The following CASD1 variants were observed in gnomAD, a reference collection of about 807,000 sequenced individuals.
The protein encoded by CASD1 is CAS1 domain sialic acid O acetyltransferase 1.
A neutral mutation model predicts 100.0 loss-of-function variants in CASD1; 41 were observed. The observed-to-expected ratio is 0.41, with a 90% CI of 0.32 to 0.53. The LOEUF is 0.53. Ranked by LOEUF, CASD1 falls within the 20% of genes least tolerant of loss-of-function variation. CASD1 has a pLI of 0.25. For synonymous variants in CASD1, 321 were observed against 315.6 expected, an observed-to-expected ratio of 1.02 and a Z score of -0.18; for missense variants, 774 against 948.7, an observed-to-expected ratio of 0.82 and a Z score of 2.42.
In CASD1 at chr7:94,541,537, G is replaced by GTTTTTTTTT. The variant is rs56786123; in HGVS notation, c.1356+2503_1356+2511dup. Among the ~76,000 whole-genome samples, 8 of 60,116 alleles carry GTTTTTTTTT rather than the reference G, an allele frequency of 1.3e-4. 2 individuals carry two copies. The highest frequency in any genetic ancestry group is 1.1e-4 in the Non-Finnish European group (4 of 35,196). The allele number at this position is 60,116 out of a possible 152,430, so 39.4% of individuals were successfully genotyped here. On this transcript the variant is annotated intron_variant, in intron 10 of 17. Transcript: ENST00000297273. ...ACAGTAGGTGATTTGTGTTCCACTG[G>GTTTTTTTTT]TTTTTTTTTTTTTTTTTTTTTTTTT...
At chr7:94,533,556 A>G in intron 6 of CASD1, 123 bp from the exon 7 acceptor site, 1 of 754,218 alleles carries the variant, frequency 1.3e-6, no homozygotes, top group Non-Finnish European at 2.0e-6. Context: ...ACTGAATTTT[A>G]TTCTAATATT....
chr7:94,563,065 G>C, the CASD1 span, among the ~76,000 whole-genome samples: 2 of 152,058 alleles, frequency 1.3e-5, no homozygotes, highest in Non-Finnish European at 2.9e-5. Context: ...ACATACAAAG[G>C]CCTTTGTAGA....
the CASD1 span, among the ~76,000 whole-genome samples, chr7:94,614,106 T>TAAA: frequency 2.7e-4 from 15 of 55,130 alleles, 3 homozygotes; most frequent in East Asian, 2.0e-3. Flanking sequence ...CAAATTGAAA[T>TAAA]CAAAAAAAAA....
chr7:94,575,481 TA>T, the CASD1 span, among the ~76,000 whole-genome samples: 7 of 152,308 alleles, frequency 4.6e-5, no homozygotes, highest in Admixed American at 3.3e-4. Context: ...TGGTCAATTT[TA>T]GAGTATGTGC....
At chr7:94,604,858 T>TATAA in the CASD1 span, among the ~76,000 whole-genome samples, 33 of 75,206 alleles carry the variant, frequency 4.4e-4, no homozygotes, top group Non-Finnish European at 7.2e-4. Flanking sequence ...TATATATATA[T>TATAA]AATAGTTGTT....
chr7:94,531,800 G>C (rs907240191), intron 5 of CASD1, among the ~76,000 whole-genome samples: 2 of 151,990 alleles, frequency 1.3e-5, no homozygotes, highest in African/African-American at 4.8e-5. Flanking sequence ...TTGTGTGTAT[G>C]ATTGCAATAT....
the CASD1 span, chr7:94,600,936 G>T: frequency 8.5e-7 from 1 of 1,178,142 alleles, no homozygotes. Context: ...ATACACTAAA[G>T]CATTCTTTGA....
At position 94,555,568 on chromosome 7, in the gene CASD1, T is replaced by A; in HGVS notation, c.2204T>A (p.Met735Lys). 2 of 1,613,572 alleles carry A rather than the reference T, an allele frequency of 1.2e-6. No homozygotes were observed. The highest frequency in any genetic ancestry group is 1.7e-6 in the Non-Finnish European group (2 of 1,179,688). ...TTGGTACTGATACCTGGAAACCCTA[T>A]GCTCAACATCATTGTCAGCACTTTC... ...GILVLIPGNP[M>K]LNIIVSTFIF... Residue 735 changes from methionine (M) to lysine (K), a missense_variant, in exon 18 of 18, where the codon ATG (methionine) becomes AAG (lysine). By Grantham distance (95) the Met-to-Lys change is moderately conservative. Transcript: ENST00000297273.
the CASD1 span, among the ~76,000 whole-genome samples, chr7:94,631,664 G>A: frequency 6.6e-6 from 1 of 151,898 alleles, no homozygotes; most frequent in East Asian, 1.9e-4. Context: ...TTTCGGGGAA[G>A]GGAATTAAGT....
intron 1 of CASD1, 110 bp downstream of exon 1, chr7:94,510,327 C>T (rs1260009796): frequency 1.2e-6 from 1 of 854,236 alleles, no homozygotes; most frequent in Non-Finnish European, 1.6e-6. Flanking sequence ...TCCGCCGGCC[C>T]GGCCCGCGGG....
the CASD1 span, chr7:94,597,098 C>T: frequency 6.6e-6 from 1 of 152,100 alleles, no homozygotes; most frequent in South Asian, 2.1e-4. Flanking sequence ...GGCTACTGAC[C>T]ACCAGAGAGC....
the CASD1 span, chr7:94,588,062 A>G: frequency 6.0e-6 from 8 of 1,340,110 alleles, no homozygotes; most frequent in Non-Finnish European, 5.7e-6. Flanking sequence ...TTAGAAGACA[A>G]TCATGAATAA....
At chr7:94,595,443 TA>T in the CASD1 span, among the ~76,000 whole-genome samples, 1 of 152,116 alleles carries the variant, frequency 6.6e-6, no homozygotes, top group African/African-American at 2.4e-5. Context: ...TTTGGCTAGC[TA>T]AAAATTGTTT....
intron 5 of CASD1, among the ~76,000 whole-genome samples, chr7:94,529,137 G>A (rs1194743675): frequency 6.6e-6 from 1 of 152,100 alleles, no homozygotes; most frequent in African/African-American, 2.4e-5. Flanking sequence ...GGTCTACAGT[G>A]TGTTTTGGTT....
chr7:94,634,112 C>T, the CASD1 span, among the ~76,000 whole-genome samples: 2 of 152,124 alleles, frequency 1.3e-5, no homozygotes, highest in South Asian at 2.1e-4. Flanking sequence ...GATTAGGTAC[C>T]CAGTATGTTT....
chr7:94,628,168 A>T, the CASD1 span: 1 of 1,533,286 alleles, frequency 6.5e-7, no homozygotes, highest in Admixed American at 1.7e-5. Flanking sequence ...ACACACATAT[A>T]TGTATAGTTT....
intron 16 of CASD1, chr7:94,553,151 CTG>C: frequency 4.1e-6 from 2 of 482,042 alleles, no homozygotes; most frequent in East Asian, 1.1e-4. Flanking sequence ...TTTCACCACT[CTG>C]TATATCACTT....
the CASD1 span, chr7:94,624,733 A>G: frequency 2.6e-5 from 4 of 152,174 alleles, no homozygotes; most frequent in South Asian, 8.3e-4. Flanking sequence ...ATGATCCTCT[A>G]CTATTTGTTA....
chr7:94,583,376 A>G, the CASD1 span, among the ~76,000 whole-genome samples: 2 of 152,202 alleles, frequency 1.3e-5, no homozygotes, highest in African/African-American at 4.8e-5. Flanking sequence ...CCTCCAAGTA[A>G]GTACTGAAGG....
Sources: allele counts gnomAD v4.1 joint callset (sites outside exome capture counted in the v4.1 genomes callset), GRCh38; gene constraint gnomAD v4.1.1; transcripts MANE v1.5; gene names NCBI Gene and HGNC (gene_info 2026-07-23, HGNC 2026-07-21).